The following VCL variants were observed in gnomAD, a reference collection of about 807,000 sequenced individuals.
VCL encodes the protein epididymis luminal protein 114.
Under a neutral mutation model 125.7 loss-of-function variants are expected in VCL, and 47 were observed. That is an observed-to-expected ratio of 0.37 (90% CI 0.30 to 0.48). The LOEUF (loss-of-function observed/expected upper bound fraction) is 0.48. VCL is among the 20% of genes least tolerant of loss of function. VCL has a pLI of 0.99. For missense variants in VCL, 1,069 were observed against 1,455.5 expected (o/e 0.73, Z 4.32); for synonymous variants, 458 against 514.6 (o/e 0.89, Z 1.49).
rs1230104104 is a variant in VCL at position 74,120,127 on chromosome 10, T to C, written c.*1958T>C. 1 of 152,254 alleles carries C rather than the reference T, an allele frequency of 6.6e-6. No individual in the cohort carries two copies. The highest frequency in any genetic ancestry group is 1.5e-5 in the Non-Finnish European group (1 of 68,044). The allele number at this position is 152,254 out of a possible 1,614,324, so 9.4% of individuals were successfully genotyped here. A position where few individuals can be genotyped will look rare whatever the true frequency, so the allele number is the denominator to read the frequency against. On this transcript the variant is annotated 3_prime_UTR_variant, in exon 22 of 22. Coordinates refer to ENST00000211998, the MANE Select transcript of VCL (RefSeq NM_014000.3). ...ATATTTTCTGCCTCTTCTTTTGTTC[T>C]GTTTAAAACAATAAAATGCATTTGT...
At chr10:74,078,843 C>G (rs1839634122) in intron 6 of VCL, among the ~76,000 whole-genome samples, 2 of 152,042 alleles carry the variant, frequency 1.3e-5, no homozygotes, top group South Asian at 4.2e-4. Flanking sequence ...AAAACATTGA[C>G]TTGCAGGTGG....
At chr10:74,082,339 A>G (rs1839689647) in intron 6 of VCL, 115 bp from the exon 7 acceptor site, 1 of 1,076,274 alleles carries the variant, frequency 9.3e-7, no homozygotes, top group South Asian at 1.3e-5. Flanking sequence ...AGGCCTTCGT[A>G]GGACTGACTA....
intron 1 of VCL, among the ~76,000 whole-genome samples, chr10:74,008,429 ATCTGAAAG>A (rs1308539568): frequency 6.6e-6 from 1 of 152,212 alleles, no homozygotes; most frequent in Admixed American, 6.5e-5. Context: ...GTTACCTTCT[ATCTGAAAG>A]TGGCGTTGGG....
intron 1 of VCL, among the ~76,000 whole-genome samples, chr10:74,037,320 A>G (rs1258353014): frequency 2.0e-5 from 3 of 152,210 alleles, no homozygotes; most frequent in African/African-American, 4.8e-5. Flanking sequence ...TCTGTCATCA[A>G]TGGGTTAATG....
At chr10:74,057,450 A>G (rs1353865545) in intron 2 of VCL, among the ~76,000 whole-genome samples, 1 of 151,980 alleles carries the variant, frequency 6.6e-6, no homozygotes, top group African/African-American at 2.4e-5. Flanking sequence ...CTTAGCAGTC[A>G]TTTTCACTTA....
chr10:74,074,562 A>C lies in VCL; in HGVS notation c.623-181A>C, dbSNP rs60563569. ...CCTTGAGTTTTCTTTTTCTTTTTTT[A>C]TTTTTACAATAAAGGTTGTTAATGT... On this transcript the variant is annotated intron_variant, in intron 5 of 21. Coordinates refer to ENST00000211998, the MANE Select transcript of VCL (RefSeq NM_014000.3). Among the ~76,000 whole-genome samples, 9,571 of 151,922 alleles carry C rather than the reference A, an allele frequency of 0.063. 1,035 individuals carry two copies. Among genetic ancestry groups the C allele is most frequent in the African/African-American group, 0.22 (8,979 of 41,416 alleles).
intron 11 of VCL, 65 bp downstream of exon 11, chr10:74,094,526 TA>T: frequency 6.4e-7 from 1 of 1,557,182 alleles, no homozygotes; most frequent in Non-Finnish European, 8.7e-7. Context: ...AAGTTGTTGA[TA>T]GGGGTCCTGT....
rs1422889020 is a variant in VCL, at chr10:74,060,370, A to T, written c.240-10300A>T. On this transcript the variant is annotated intron_variant, in intron 2 of 21. Transcript: ENST00000211998. ...AAAAGAACCCTTAAAAAGGACTTGCAGGCAGAGTGTGGTGGCTCACACCTG... is the reference window on the plus strand; with the variant it reads ...AAAAGAACCCTTAAAAAGGACTTGCTGGCAGAGTGTGGTGGCTCACACCTG... 2.6e-5 allele frequency among the ~76,000 whole-genome samples: 4 copies of T among 152,056 alleles called. No individual in the cohort carries two copies. The East Asian group carries it at 5.8e-4, about 22-fold the overall frequency.
Position 74,111,040 on chromosome 10 carries a change from T to G in VCL, c.2746-869T>G, listed in dbSNP as rs368034871. ...CTAGATAAGCAGAGTTTGGGGTGAGTGAGAACCTATTTTGCAAGCAATTTA... is the reference window on the plus strand; with the variant it reads ...CTAGATAAGCAGAGTTTGGGGTGAGGGAGAACCTATTTTGCAAGCAATTTA... On this transcript the variant is annotated intron_variant, in intron 18 of 21. Coordinates refer to ENST00000211998, the MANE Select transcript of VCL (RefSeq NM_014000.3). Among the ~76,000 whole-genome samples, 7 of 152,112 alleles carry G rather than the reference T, an allele frequency of 4.6e-5. No individual in the cohort carries two copies. The East Asian group carries it at 7.7e-4, about 17-fold the overall frequency.
At chr10:74,000,871 A>G (rs1445083201) in intron 1 of VCL, among the ~76,000 whole-genome samples, 4 of 152,268 alleles carry the variant, frequency 2.6e-5, no homozygotes, top group Non-Finnish European at 5.9e-5. Context: ...CAACACATAC[A>G]AAAGAGGGGA....
chr10:74,009,822 T>C (rs1022377674), intron 1 of VCL, among the ~76,000 whole-genome samples: 1 of 151,876 alleles, frequency 6.6e-6, no homozygotes, highest in Non-Finnish European at 1.5e-5. Context: ...TTGGCCAGGC[T>C]GGTCTTGAAC....
intron 1 of VCL, among the ~76,000 whole-genome samples, chr10:74,015,415 G>A (rs1412091060): frequency 3.3e-5 from 5 of 152,078 alleles, no homozygotes; most frequent in East Asian, 3.9e-4. Context: ...TTAGCCGGGC[G>A]TGGTGGCTTG....
chr10:74,046,709 CG>C (rs1352438824), intron 2 of VCL, among the ~76,000 whole-genome samples: 1 of 152,306 alleles, frequency 6.6e-6, no homozygotes, highest in East Asian at 1.9e-4. Flanking sequence ...GTTTCACTAT[CG>C]GGTAGGTAGT....
chr10:74,101,080 C>G lies in VCL; in HGVS notation c.2005C>G (p.Arg669Gly), dbSNP rs780856981. The change falls in exon 14 of 22, where the codon CGA becomes GGA. Residue 669 changes from arginine to glycine, a missense_variant. This residue lies in a region of VCL where 760 missense variants were observed against 928.9 expected (regional missense o/e 0.82). Transcript: ENST00000211998. ...CATTCAGGCCTCAGTGAAGACGGCC[C>G]GAGAACTCACACCCCAGGTTGGGTT... ...EGIQASVKTA[R>G]ELTPQVVSAA... The G allele has an allele frequency of 6.2e-7, 1 of 1,613,358 alleles. No individual in the cohort carries two copies. Among genetic ancestry groups the G allele is most frequent in the South Asian group, 1.1e-5 (1 of 90,972 alleles).
chr10:74,059,888 G>T (rs995111550), intron 2 of VCL, among the ~76,000 whole-genome samples: 3 of 152,198 alleles, frequency 2.0e-5, no homozygotes, highest in Admixed American at 2.0e-4. Flanking sequence ...ACTCTGCTGG[G>T]CACAGTGGCT....
intron 16 of VCL, among the ~76,000 whole-genome samples, chr10:74,106,100 T>C (rs2131929925): frequency 6.6e-6 from 1 of 150,842 alleles, no homozygotes; most frequent in South Asian, 2.1e-4. Context: ...TTTTGTAGTT[T>C]TAGTAGAGGC....
In VCL at chr10:74,053,681, G is replaced by A. The variant is rs184400331; in HGVS notation, c.239+10528G>A. On this transcript the variant is annotated intron_variant, in intron 2 of 21. Coordinates refer to ENST00000211998, the MANE Select transcript of VCL (RefSeq NM_014000.3). ...GCTGTAGTGCAATGACATGATCTCG[G>A]CTCACTGCAACCTCTCCCTCCCGGG... 1.5e-4 allele frequency among the ~76,000 whole-genome samples: 23 copies of A among 152,002 alleles called. No homozygotes were observed. The East Asian group carries it at 4.4e-3, about 29-fold the overall frequency.
chr10:74,011,491 T>A (rs1840435202), intron 1 of VCL, among the ~76,000 whole-genome samples: 1 of 152,168 alleles, frequency 6.6e-6, no homozygotes, highest in Non-Finnish European at 1.5e-5. Context: ...TGGGTTTTAT[T>A]CTTCATATTA....
intron 2 of VCL, among the ~76,000 whole-genome samples, chr10:74,068,108 T>C (rs768143083): frequency 7.2e-5 from 11 of 152,230 alleles, no homozygotes; most frequent in Non-Finnish European, 1.6e-4. Context: ...CTTCTGCAGA[T>C]TGCAATATGG....
Sources: allele counts gnomAD v4.1 joint callset (sites outside exome capture counted in the v4.1 genomes callset), GRCh38; gene constraint gnomAD v4.1.1; regional missense constraint gnomAD v4.1.1; transcripts MANE v1.5; gene names NCBI Gene and HGNC (gene_info 2026-07-23, HGNC 2026-07-21).